The following USP9X variants were observed in gnomAD, a reference collection of about 807,000 sequenced individuals.
USP9X encodes ubiquitin specific peptidase 9 X-linked.
A neutral mutation model predicts 190.3 loss-of-function variants in USP9X; 7 were observed. That is an observed-to-expected ratio of 0.04 (90% confidence interval 0.02 to 0.07). The LOEUF (loss-of-function observed/expected upper bound fraction) is 0.07. USP9X is among the 10% of genes least tolerant of loss of function. The pLI is 1.00. For missense variants in USP9X, 1,010 were observed against 1,916.9 expected (o/e 0.53, Z 8.83); for synonymous variants, 645 against 659.5 (o/e 0.98, Z 0.34).
chrX:41,226,560 T>C (rs1370011514), intron 41 of USP9X, among the ~76,000 whole-genome samples: 1 of 112,215 alleles, frequency 8.9e-6, no homozygotes, highest in Non-Finnish European at 1.9e-5. Flanking sequence ...TCTGGAGTTT[T>C]AGTGGGGATT....
intron 1 of USP9X, among the ~76,000 whole-genome samples, chrX:41,104,334 G>A (rs2062054264): frequency 8.9e-6 from 1 of 112,208 alleles, no homozygotes; most frequent in South Asian, 3.7e-4. Context: ...GCCTCCCAAA[G>A]TGTTGGGATT....
At chrX:41,223,509 C>T (rs1353005334) in intron 39 of USP9X, 107 bp downstream of exon 39, 2 of 840,909 alleles carry the variant, frequency 2.4e-6, no homozygotes, top group African/African-American at 2.0e-5. Flanking sequence ...GTGATCTCGG[C>T]TCACTGTAAC....
In USP9X at chrX:41,161,174, G is replaced by A. The variant is rs139252460; in HGVS notation, c.1898-1616G>A. Among the ~76,000 whole-genome samples, 798 of 110,567 alleles carry A rather than the reference G, an allele frequency of 7.2e-3. 6 individuals are homozygous for A. The highest frequency in any genetic ancestry group is 0.024 in the African/African-American group (716 of 30,381). ...GAAATACTCATTGAAGTATTTAAGG[G>A]TAAAAGGACATATGTCCAACTCTTA... is the stretch of plus-strand genomic sequence containing the variant. On this transcript the variant is annotated intron_variant, in intron 14 of 44. Coordinates refer to ENST00000378308, the MANE Select transcript of USP9X (RefSeq NM_001039591.3).
Position 41,123,582 on chromosome X carries a change from C to T in USP9X, c.-47C>T, listed in dbSNP as rs2062208668. 2 of 1,095,088 alleles carry T rather than the reference C, an allele frequency of 1.8e-6. No individual in the cohort carries two copies. The highest frequency in any genetic ancestry group is 1.8e-5 in the African/African-American group (1 of 55,592). 90.2% of individuals were successfully genotyped at this position (1,095,088 alleles called of 1,213,427 possible). A position where few individuals can be genotyped will look rare whatever the true frequency, so the allele number is the denominator to read the frequency against. ...TGGACTATAATTTCTTTTCTCAAGA[C>T]AACTACATAAGCAGACAAAATTGCA... On this transcript the variant is annotated 5_prime_UTR_variant, in exon 2 of 45. Transcript: ENST00000378308.
In USP9X at chrX:41,197,436, G is replaced by A; in HGVS notation, c.4306G>A (p.Glu1436Lys). The change falls in exon 29 of 45, where the codon GAG (glutamate) becomes AAG (lysine). Residue 1436 changes from glutamate to lysine, a missense_variant. By Grantham distance (56) the Glu-to-Lys change is moderately conservative. Transcript: ENST00000378308. ...ILEGHLGVTK[E>K]LLAFQTSEKK... ...AGAGGGCCACCTTGGAGTGACAAAGGAGTTACTGGCCTTTCAAACTTCTGA... is the reference window on the plus strand; with the variant it reads ...AGAGGGCCACCTTGGAGTGACAAAGAAGTTACTGGCCTTTCAAACTTCTGA... The A allele has an allele frequency of 8.3e-7, 1 of 1,202,882 alleles. No homozygotes were observed. Among genetic ancestry groups the A allele is most frequent in the Non-Finnish European group, 1.1e-6 (1 of 890,947 alleles).
intron 14 of USP9X, among the ~76,000 whole-genome samples, chrX:41,156,870 T>A (rs1423963474): frequency 9.0e-6 from 1 of 111,624 alleles, no homozygotes; most frequent in East Asian, 2.8e-4. Context: ...AGAGTGCTTG[T>A]GGCTCCCTTA....
intron 32 of USP9X, 107 bp downstream of exon 32, chrX:41,205,600 C>T: frequency 2.8e-6 from 2 of 714,254 alleles, no homozygotes; most frequent in Non-Finnish European, 3.9e-6. Context: ...TTTTTAAGCA[C>T]TGGTAATATT....
At position 41,229,953 on chromosome X, in the gene USP9X, C is replaced by T. The variant is rs544507791; in HGVS notation, c.7431+174C>T. The stretch of plus-strand genomic sequence containing the variant: ...TGGTGGCTCACGCCTGTAATCCCAA[C>T]ACTTTGGGAGGCCGAGGCAGGCGGA... On this transcript the variant is annotated intron_variant, in intron 43 of 44. Transcript: ENST00000378308. 7 of 877,048 alleles carry T rather than the reference C, an allele frequency of 8.0e-6. No individual in the cohort carries two copies. In the African/African-American group the frequency reaches 8.1e-5, roughly 10 times the overall value. 72.3% of individuals were successfully genotyped at this position (877,048 alleles called of 1,213,427 possible). A position where few individuals can be genotyped will look rare whatever the true frequency, so the allele number is the denominator to read the frequency against.
intron 15 of USP9X, 60 bp from the exon 16 acceptor site, chrX:41,165,812 A>G: frequency 7.0e-6 from 7 of 996,596 alleles, no homozygotes; most frequent in Non-Finnish European, 9.8e-6. Flanking sequence ...GGTAATACAG[A>G]TTGCCTTTCC....
Position 41,230,518 on chromosome X carries a change from T to A in USP9X, c.7449T>A (p.Asp2483Glu), listed in dbSNP as rs376510144. Residue 2483 changes from aspartate (D) to glutamate (E), a missense_variant, in exon 44 of 45, where the codon GAT (aspartate) becomes GAA (glutamate). Physicochemically the swap from Asp to Glu is conservative, Grantham distance 45. This residue lies in a region of USP9X where 48 missense variants were observed against 60.4 expected (regional missense o/e 0.79). Transcript: ENST00000378308. ...AAAATTAGGAGCCAGATGACCAAGA[T>A]GCTCCAGATGAACATGAGTCGCCTC... ...LCPEEEPDDQ[D>E]APDEHESPPP... The A allele has an allele frequency of 8.3e-7, 1 of 1,208,551 alleles. No individual in the cohort carries two copies. Among genetic ancestry groups the A allele is most frequent in the Non-Finnish European group, 1.1e-6 (1 of 894,621 alleles).
At chrX:41,224,591 GC>G in intron 39 of USP9X, 150 bp from the exon 40 acceptor site, 1 of 446,274 alleles carries the variant, frequency 2.2e-6, no homozygotes. Flanking sequence ...AGCTGAGATC[GC>G]CCCATTGCAC....
At chrX:41,153,210 T>A in intron 14 of USP9X, 129 bp downstream of exon 14, 1 of 657,265 alleles carries the variant, frequency 1.5e-6, no homozygotes. Context: ...CTCTTAGACA[T>A]CCTAAACTCT....
intron 8 of USP9X, 37 bp downstream of exon 8, chrX:41,141,254 G>A: frequency 8.4e-7 from 1 of 1,194,863 alleles, no homozygotes; most frequent in Non-Finnish European, 1.1e-6. Flanking sequence ...TGTTAATGCC[G>A]ATTTTAGAAT....
At chrX:41,231,000 G>A (rs2063354978) in intron 44 of USP9X, among the ~76,000 whole-genome samples, 1 of 111,981 alleles carries the variant, frequency 8.9e-6, no homozygotes, top group Non-Finnish European at 1.9e-5. Flanking sequence ...ACAGGTTTCA[G>A]TGATGGTAAA....
At chrX:41,104,193 A>G (rs913856547) in intron 1 of USP9X, among the ~76,000 whole-genome samples, 3 of 111,161 alleles carry the variant, frequency 2.7e-5, no homozygotes, top group African/African-American at 9.8e-5. Flanking sequence ...CAGCACTCCC[A>G]GTAGTTGGGA....
At chrX:41,153,220 T>G in intron 14 of USP9X, 139 bp downstream of exon 14, 2 of 585,935 alleles carry the variant, frequency 3.4e-6, no homozygotes, top group Non-Finnish European at 4.7e-6. Flanking sequence ...TCCTAAACTC[T>G]AGGCCAGCAG....
chrX:41,137,212 T>C (rs764294535), intron 6 of USP9X, among the ~76,000 whole-genome samples, 190 bp downstream of exon 6: 15 of 111,553 alleles, frequency 1.3e-4, no homozygotes, highest in Non-Finnish European at 2.3e-4. Context: ...ATTATCCCCA[T>C]TGTCTTCTGT....
At chrX:41,112,918 T>G (rs1388269676) in intron 1 of USP9X, among the ~76,000 whole-genome samples, 1 of 112,650 alleles carries the variant, frequency 8.9e-6, no homozygotes, top group Admixed American at 9.4e-5. Flanking sequence ...GTCCAGCATA[T>G]AAGCTATTAA....
intron 33 of USP9X, among the ~76,000 whole-genome samples, chrX:41,214,145 T>G (rs770462816): frequency 3.6e-5 from 4 of 112,306 alleles, no homozygotes; most frequent in South Asian, 3.6e-4. Flanking sequence ...ATATAAAAAT[T>G]TAGCTTATTC....
Sources: gnomAD v4.1 joint callset for allele counts (sites outside exome capture counted in the v4.1 genomes callset) on GRCh38, gnomAD v4.1.1 for gene constraint, gnomAD v4.1.1 regional missense constraint, MANE v1.5 for transcripts, NCBI Gene and HGNC (gene_info 2026-07-23, HGNC 2026-07-21) for gene names.